MTOR: variants seen among roughly 807,000 people sequenced by gnomAD.
MTOR encodes the protein mechanistic target of rapamycin kinase, also known as serine/threonine-protein kinase mTOR.
MTOR carries 70 observed loss-of-function variants against 319.8 expected under a neutral mutation model. The observed-to-expected ratio is 0.22, with a 90% CI of 0.18 to 0.27. The LOEUF is 0.27. Ranked by LOEUF, MTOR falls within the 10% of genes least tolerant of loss-of-function variation. The pLI is 1.00. For missense variants in MTOR, 1,890 were observed against 3,274.4 expected, an observed-to-expected ratio of 0.58 and a Z score of 10.32; for synonymous variants, 1,183 against 1,211.4, an observed-to-expected ratio of 0.98 and a Z score of 0.49.
At position 11,107,457 on chromosome 1, in the gene MTOR, A is replaced by G. The variant is rs781267576; in HGVS notation, c.*28T>C. 1 of 1,605,852 alleles carries G rather than the reference A, an allele frequency of 6.2e-7. No homozygotes were observed. Among genetic ancestry groups the G allele is most frequent in the African/African-American group, 1.3e-5 (1 of 74,210 alleles). ...ACTAAAGTACAAAAGCCTCAGAAAA[A>G]ACGTGATGGGCACATCTGGGCCTCC... On this transcript the variant is annotated 3_prime_UTR_variant, in exon 58 of 58. Coordinates refer to ENST00000361445, the MANE Select transcript of MTOR (RefSeq NM_004958.4).
At chr1:11,132,166 G>C (rs1643193934) in intron 38 of MTOR, 1 of 152,166 alleles carries the variant, frequency 6.6e-6, no homozygotes, top group South Asian at 2.1e-4. Context: ...CTTTTTTCTT[G>C]TGATTTGCTT....
chr1:11,114,494 C>T (rs201230421), intron 52 of MTOR, 41 bp from the exon 53 acceptor site: 1 of 1,611,134 alleles, frequency 6.2e-7, no homozygotes, highest in African/African-American at 1.3e-5. Context: ...GAGTTACTAA[C>T]TCTCCACCCA....
chr1:11,139,282 C>G, intron 36 of MTOR, 22 bp downstream of exon 36: 1 of 1,591,436 alleles, frequency 6.3e-7, no homozygotes, highest in Non-Finnish European at 8.5e-7. Flanking sequence ...GTGGTCTGTT[C>G]TGGATGCATT....
intron 8 of MTOR, among the ~76,000 whole-genome samples, chr1:11,244,862 T>C (rs777403283): frequency 1.1e-4 from 17 of 152,192 alleles, no homozygotes; most frequent in Admixed American, 3.3e-4. Flanking sequence ...CCAGGAGCAA[T>C]AGGCTACACC....
intron 29 of MTOR, among the ~76,000 whole-genome samples, chr1:11,159,510 G>A (rs1201389462): frequency 2.0e-5 from 3 of 152,038 alleles, no homozygotes; most frequent in Non-Finnish European, 4.4e-5. Flanking sequence ...GCGTGGTGGT[G>A]CATGCCTGTA....
At position 11,199,605 on chromosome 1, in the gene MTOR, T is replaced by G; in HGVS notation, c.4043A>C (p.Gln1348Pro). 1 of 1,614,190 alleles carries G rather than the reference T, an allele frequency of 6.2e-7. No homozygotes were observed. The highest frequency in any genetic ancestry group is 8.5e-7 in the Non-Finnish European group (1 of 1,180,030). ...GGTCTGTGTGACTTCAGCGATGTCT[T>G]GTGAGGTGAGGGCCAACTCGATGCT... ...IRSIELALTS[Q>P]DIAEVTQTLL... is the part of the protein sequence containing the mutation. The change falls in exon 27 of 58, where the codon CAA becomes CCA. Residue 1348 changes from glutamine to proline, a missense_variant. This residue lies in a region of MTOR where 49 missense variants were observed against 119.1 expected (regional missense o/e 0.41). Coordinates refer to ENST00000361445, the MANE Select transcript of MTOR (RefSeq NM_004958.4). The surrounding 1 kb of genome is among the most constrained non-coding windows in gnomAD (Gnocchi z 4.5).
intron 24 of MTOR, 89 bp from the exon 25 acceptor site, chr1:11,209,547 C>G: frequency 6.8e-7 from 1 of 1,473,498 alleles, no homozygotes; most frequent in Non-Finnish European, 9.3e-7. Context: ...AGGTGCAGAC[C>G]TGGTAGAGCC....
At chr1:11,124,688 C>A (rs2100383787) in intron 46 of MTOR, 55 bp from the exon 47 acceptor site, 1 of 1,567,898 alleles carries the variant, frequency 6.4e-7, no homozygotes. Flanking sequence ...AGCTCTTCAG[C>A]TGAGAGCACC....
chr1:11,110,980 C>G (rs1034109374), intron 54 of MTOR: 3 of 348,520 alleles, frequency 8.6e-6, no homozygotes, highest in South Asian at 6.4e-5. Context: ...GAGAATGAAG[C>G]CAGTAAGTCT....
intron 8 of MTOR, among the ~76,000 whole-genome samples, chr1:11,243,547 G>T (rs1648378028): frequency 6.6e-6 from 1 of 151,872 alleles, no homozygotes; most frequent in Admixed American, 6.6e-5. Flanking sequence ...AATTAGCCAG[G>T]TGTGGTGGTG....
Position 11,144,903 on chromosome 1 carries a change from C to T in MTOR, c.4764+65G>A, listed in dbSNP as rs1217688034. 2.5e-6 allele frequency: 4 copies of T among 1,574,372 alleles called. No individual in the cohort carries two copies. The African/African-American group carries it at 5.4e-5, about 21-fold the overall frequency. ...CAGCAGCCTGTAAGTTCTCAATAGCCCATTCTGAAAAAAGTATGGAAATAA... is the reference window on the plus strand; with the variant it reads ...CAGCAGCCTGTAAGTTCTCAATAGCTCATTCTGAAAAAAGTATGGAAATAA... On this transcript the variant is annotated intron_variant, in intron 33 of 57. Transcript: ENST00000361445.
rs575515123 is a variant in MTOR at position 11,260,019 on chromosome 1, G to A, written c.-14-596C>T. Among the ~76,000 whole-genome samples, 4 of 152,202 alleles carry A rather than the reference G, an allele frequency of 2.6e-5. No individual in the cohort carries two copies. The South Asian group carries it at 8.3e-4, about 31-fold the overall frequency. On this transcript the variant is annotated intron_variant, in intron 1 of 57. Transcript: ENST00000361445. Reference sequence around the variant, plus strand: ...GTACCTAGTTCATGGGTTGATGTGAGAACTAAATGACTTAATACGTGTCAA... The same window carrying A: ...GTACCTAGTTCATGGGTTGATGTGAAAACTAAATGACTTAATACGTGTCAA...
chr1:11,239,394 T>C (rs977184439), intron 11 of MTOR, among the ~76,000 whole-genome samples: 2 of 152,174 alleles, frequency 1.3e-5, no homozygotes, highest in East Asian at 3.8e-4. Flanking sequence ...GAATCAATGT[T>C]AAGTGGAGGA....
intron 30 of MTOR, among the ~76,000 whole-genome samples, chr1:11,155,075 G>A (rs960666910): frequency 5.3e-5 from 8 of 152,182 alleles, no homozygotes; most frequent in African/African-American, 1.9e-4. Context: ...ACTACATGTA[G>A]TGAAAGATCA....
chr1:11,210,693 A>G, intron 24 of MTOR, 121 bp downstream of exon 24: 1 of 694,536 alleles, frequency 1.4e-6, no homozygotes. Context: ...AAACTGGAAA[A>G]AAGTTTGCCA....
At chr1:11,120,541 G>A (rs117327356) in intron 49 of MTOR, among the ~76,000 whole-genome samples, 2,880 of 150,714 alleles carry the variant, frequency 0.019, 58 homozygotes, top group East Asian at 0.053. Context: ...AAAAAGAGAT[G>A]GAGTCTCACT....
At chr1:11,242,174 G>T (rs1265242489) in intron 9 of MTOR, among the ~76,000 whole-genome samples, 1 of 152,062 alleles carries the variant, frequency 6.6e-6, no homozygotes, top group African/African-American at 2.4e-5. Context: ...GACCAGCCTG[G>T]CCAACATGGT....
chr1:11,237,929 G>A lies in MTOR; in HGVS notation c.2122C>T (p.Arg708Trp), dbSNP rs1647426816. Residue 708 changes from arginine to tryptophan, a missense_variant, in exon 13 of 58, where the codon CGG becomes TGG. By Grantham distance (101) the Arg-to-Trp change is moderately radical. Transcript: ENST00000361445. The stretch of plus-strand genomic sequence containing the variant: ...CCCACAGTGCAGATGGCCAGCTCCC[G>A]GATCTCAAACACCTGGTCATTCAGA... ...VALNDQVFEI[R>W]ELAICTVGRL... 6.2e-7 allele frequency: 1 copy of A among 1,614,156 alleles called. No homozygotes were observed. Among genetic ancestry groups the A allele is most frequent in the Non-Finnish European group, 8.5e-7 (1 of 1,180,040 alleles).
At position 11,128,256 on chromosome 1, in the gene MTOR, G is replaced by C; in HGVS notation, c.5911-130C>G. 7.2e-7 allele frequency: 1 copy of C among 1,396,330 alleles called. No individual in the cohort carries two copies. Among genetic ancestry groups the C allele is most frequent in the South Asian group, 1.3e-5 (1 of 75,644 alleles). The allele number at this position is 1,396,330 out of a possible 1,614,324, so 86.5% of individuals were successfully genotyped here. A position where few individuals can be genotyped will look rare whatever the true frequency, so the allele number is the denominator to read the frequency against. On this transcript the variant is annotated intron_variant, in intron 42 of 57. Coordinates refer to ENST00000361445, the MANE Select transcript of MTOR (RefSeq NM_004958.4). The surrounding 1 kb of genome is among the most constrained non-coding windows in gnomAD (Gnocchi z 5.3). Reference sequence around the variant, plus strand: ...ACATCTGCTTGAGACTACCAGGAAGGGGCTCAGTCTTCGAGGGAACGCTTT... The same window carrying C: ...ACATCTGCTTGAGACTACCAGGAAGCGGCTCAGTCTTCGAGGGAACGCTTT...
Sources: gnomAD v4.1 joint callset for allele counts (sites outside exome capture counted in the v4.1 genomes callset) on GRCh38, gnomAD v4.1.1 for gene constraint, gnomAD v4.1.1 regional missense constraint, Gnocchi (gnomAD v3.1) non-coding constraint, MANE v1.5 for transcripts, NCBI Gene and HGNC (gene_info 2026-07-23, HGNC 2026-07-21) for gene names.